VPS37C: variants seen among roughly 807,000 people sequenced by gnomAD.
VPS37C encodes the protein vacuolar protein sorting-associated protein 37C.
In VPS37C, 9 loss-of-function variants were observed where a neutral mutation model predicts 16.1. That is an observed-to-expected ratio of 0.56 (90% CI 0.34 to 0.97). The LOEUF (loss-of-function observed/expected upper bound fraction) is 0.97, where lower values mean the gene tolerates loss of function less well. Among genes scored for constraint, VPS37C ranks in the 50% least tolerant of loss-of-function variants. The probability of loss-of-function intolerance (pLI) is 0.02; values close to 1 mark genes in which losing one functional copy is unlikely to be tolerated. For synonymous variants in VPS37C, 207 were observed against 206.4 expected (o/e 1.00, Z -0.02); for missense variants, 479 against 472.7 (o/e 1.01, Z -0.12).
intron 1 of VPS37C, among the ~76,000 whole-genome samples, chr11:61,142,117 C>T (rs189691516): frequency 2.6e-5 from 4 of 152,366 alleles, no homozygotes; most frequent in East Asian, 1.9e-4. Context: ...AACAACACAT[C>T]GCAAACTTTT....
chr11:61,132,146 C>A lies in VPS37C; in HGVS notation c.742G>T (p.Ala248Ser). The A allele has an allele frequency of 6.9e-7, 1 of 1,450,988 alleles. No individual in the cohort carries two copies. Among genetic ancestry groups the A allele is most frequent in the Non-Finnish European group, 9.1e-7 (1 of 1,099,000 alleles). 89.9% of individuals were successfully genotyped at this position (1,450,988 alleles called of 1,614,324 possible). Residue 248 changes from alanine (A) to serine (S), a missense_variant, in exon 5 of 5, where the codon GCC becomes TCC. Ala to Ser is a moderately conservative substitution (Grantham distance 99). Transcript: ENST00000301765. Reference sequence around the variant, plus strand: ...GCAGCACCCCTGGGTCCAAGCTGGGCTGCCGGGTAAGTGGGGCCCAGAGGC... The same window carrying A: ...GCAGCACCCCTGGGTCCAAGCTGGGATGCCGGGTAAGTGGGGCCCAGAGGC... ...SGPLGPTYPA[A>S]QLGPRGAAGY...
At chr11:61,148,139 G>A (rs1319699103) in intron 1 of VPS37C, among the ~76,000 whole-genome samples, 3 of 152,150 alleles carry the variant, frequency 2.0e-5, no homozygotes, top group Admixed American at 1.3e-4. Flanking sequence ...CTTGTGTCAA[G>A]TGAAATGGCT....
At chr11:61,132,926 A>G in intron 4 of VPS37C, 2 of 527,670 alleles carry the variant, frequency 3.8e-6, no homozygotes, top group Non-Finnish European at 6.9e-6. Context: ...CAGAGGCTGA[A>G]GAGGTGGCCG....
At chr11:61,138,884 G>T in intron 1 of VPS37C, 49 bp from the exon 2 acceptor site, 1 of 1,560,350 alleles carries the variant, frequency 6.4e-7, no homozygotes, top group South Asian at 1.1e-5. Flanking sequence ...CCAAGACGAA[G>T]GGACCCCCGA....
chr11:61,132,029 G>A lies in VPS37C; in HGVS notation c.859C>T (p.Arg287Trp), dbSNP rs201649963. 13 of 1,376,704 alleles carry A rather than the reference G, an allele frequency of 9.4e-6. No individual in the cohort carries two copies. The Admixed American group carries it at 2.2e-4, about 23-fold the overall frequency. 85.3% of individuals were successfully genotyped at this position (1,376,704 alleles called of 1,614,324 possible). The change falls in exon 5 of 5, where the codon CGG becomes TGG. Residue 287 changes from arginine (R) to tryptophan (W), a missense_variant. By Grantham distance (101) the Arg-to-Trp change is moderately radical. Transcript: ENST00000301765. The stretch of plus-strand genomic sequence containing the variant: ...CCAGGACTGGGGGCCCTGCCTCCCC[G>A]CAAGGGGTACCCAGGCCCAGAGGCA... Reference protein sequence around the residue: ...MGASGPGYPLRGGRAPSPGYP... With the variant: ...MGASGPGYPLWGGRAPSPGYP...
intron 1 of VPS37C, among the ~76,000 whole-genome samples, chr11:61,149,922 G>C (rs150507533): frequency 3.3e-5 from 5 of 152,260 alleles, no homozygotes; most frequent in South Asian, 2.1e-4. Flanking sequence ...AAGACTTCAG[G>C]AAATTAAGCC....
chr11:61,141,720 G>C (rs538566575), intron 1 of VPS37C, among the ~76,000 whole-genome samples: 1 of 152,138 alleles, frequency 6.6e-6, no homozygotes, highest in Non-Finnish European at 1.5e-5. Context: ...GTGCTGGCTC[G>C]GTGCCAGGCC....
chr11:61,156,337 A>C (rs1015507199), intron 1 of VPS37C, among the ~76,000 whole-genome samples: 1 of 152,226 alleles, frequency 6.6e-6, no homozygotes, highest in African/African-American at 2.4e-5. Flanking sequence ...CTGTAAACCC[A>C]GCACTTTGGG....
chr11:61,136,819 T>C (rs1221815582), intron 2 of VPS37C, among the ~76,000 whole-genome samples: 1 of 152,170 alleles, frequency 6.6e-6, no homozygotes, highest in Non-Finnish European at 1.5e-5. Context: ...CAACAAGAAG[T>C]ATCTAATAGT....
chr11:61,145,692 G>A (rs1490579515), intron 1 of VPS37C, among the ~76,000 whole-genome samples: 1 of 152,232 alleles, frequency 6.6e-6, no homozygotes, highest in Non-Finnish European at 1.5e-5. Flanking sequence ...ACTGCTGGTG[G>A]TGTCTGACTC....
In VPS37C at chr11:61,132,173, C is replaced by A; in HGVS notation, c.715G>T (p.Gly239Trp). ...GCCGGGTAAGTGGGGCCCAGAGGCC[C>A]GCTGTAGAAGGAGGGCTGGGACACT... ...PVVSQPSFYS[G>W]PLGPTYPAAQ... Residue 239 changes from glycine (G) to tryptophan (W), a missense_variant, in exon 5 of 5, where the codon GGG (glycine) becomes TGG (tryptophan). Physicochemically the swap from Gly to Trp is radical, Grantham distance 184. Transcript: ENST00000301765. The A allele has an allele frequency of 6.8e-7, 1 of 1,472,546 alleles. No homozygotes were observed. Among genetic ancestry groups the A allele is most frequent in the Non-Finnish European group, 9.0e-7 (1 of 1,110,732 alleles). The allele number at this position is 1,472,546 out of a possible 1,614,324, so 91.2% of individuals were successfully genotyped here. A position where few individuals can be genotyped will look rare whatever the true frequency, so the allele number is the denominator to read the frequency against.
At chr11:61,139,888 G>T (rs1344114205) in intron 1 of VPS37C, among the ~76,000 whole-genome samples, 3 of 151,812 alleles carry the variant, frequency 2.0e-5, no homozygotes, top group Non-Finnish European at 4.4e-5. Context: ...CACTATAGGT[G>T]TGCGTTACCA....
chr11:61,140,923 G>A (rs1861463599), intron 1 of VPS37C, among the ~76,000 whole-genome samples: 1 of 152,158 alleles, frequency 6.6e-6, no homozygotes, highest in South Asian at 2.1e-4. Flanking sequence ...AAAAGCCCCA[G>A]AGCCAGGTCG....
At chr11:61,149,995 T>C (rs950235117) in intron 1 of VPS37C, among the ~76,000 whole-genome samples, 2 of 152,182 alleles carry the variant, frequency 1.3e-5, no homozygotes, top group African/African-American at 4.8e-5. Flanking sequence ...ACTCACACCC[T>C]GCCCCCTAGG....
At chr11:61,139,534 G>T (rs777123853) in intron 1 of VPS37C, among the ~76,000 whole-genome samples, 12 of 152,232 alleles carry the variant, frequency 7.9e-5, no homozygotes. Context: ...CTTTGACAGA[G>T]AGCTAGTGTC....
intron 4 of VPS37C, chr11:61,133,049 C>T: frequency 2.9e-6 from 2 of 688,474 alleles, no homozygotes; most frequent in East Asian, 2.8e-5. Context: ...TCCACTGTCA[C>T]CCGTTTCTGC....
At chr11:61,145,644 A>G (rs187804297) in intron 1 of VPS37C, among the ~76,000 whole-genome samples, 9 of 152,360 alleles carry the variant, frequency 5.9e-5, no homozygotes, top group Non-Finnish European at 8.8e-5. Flanking sequence ...CACAGCCCAC[A>G]GAGCTGCTAA....
At chr11:61,144,620 T>C (rs1405523036) in intron 1 of VPS37C, 1 of 152,296 alleles carries the variant, frequency 6.6e-6, no homozygotes, top group African/African-American at 2.4e-5. Flanking sequence ...AGATTTGCAG[T>C]GACGTGACAA....
Position 61,138,841 on chromosome 11 carries a change from AAC to A in VPS37C, c.-6-8_-6-7del, listed in dbSNP as rs1444956059. 3 of 1,613,170 alleles carry A rather than the reference AAC, an allele frequency of 1.9e-6. No homozygotes were observed. The highest frequency in any genetic ancestry group is 1.7e-5 in the Admixed American group (1 of 59,996). On this transcript the variant is annotated splice_polypyrimidine_tract_variant and splice_region_variant and intron_variant, in intron 1 of 4. Coordinates refer to ENST00000301765, the MANE Select transcript of VPS37C (RefSeq NM_017966.5). Reference sequence around the variant, plus strand: ...TTCAGCGTCTCCATCCTTCCCTGTGAACACAGTGACACCAAAGTAACGAACAG... The same window carrying A: ...TTCAGCGTCTCCATCCTTCCCTGTGAACAGTGACACCAAAGTAACGAACAG...
Sources: gnomAD v4.1 joint callset for allele counts (sites outside exome capture counted in the v4.1 genomes callset) on GRCh38, gnomAD v4.1.1 for gene constraint, MANE v1.5 for transcripts, NCBI Gene and HGNC (gene_info 2026-07-23, HGNC 2026-07-21) for gene names.